The following ACSM2A variants were observed in gnomAD, a reference collection of about 807,000 sequenced individuals.
ACSM2A encodes the protein acyl-CoA synthetase medium chain family member 2A, also known as acyl-coenzyme A synthetase ACSM2A, mitochondrial.
A neutral mutation model predicts 76.6 loss-of-function variants in ACSM2A; 72 were observed. The observed-to-expected ratio is 0.94, with a 90% CI of 0.78 to 1.14. The LOEUF (loss-of-function observed/expected upper bound fraction) is 1.14, where lower values mean the gene tolerates loss of function less well. Ranked by LOEUF, ACSM2A falls within the 50% of genes most tolerant of loss-of-function variation. ACSM2A has a pLI of 0.00. For synonymous variants in ACSM2A, 249 were observed against 255.9 expected (o/e 0.97, Z 0.26); for missense variants, 684 against 708.5 (o/e 0.97, Z 0.39).
At chr16:20,464,440 T>G (rs1248146680) in intron 2 of ACSM2A, among the ~76,000 whole-genome samples, 1 of 152,174 alleles carries the variant, frequency 6.6e-6, no homozygotes, top group Non-Finnish European at 1.5e-5. Flanking sequence ...CATCTGCTTC[T>G]GATGAGGGCC....
intron 6 of ACSM2A, among the ~76,000 whole-genome samples, chr16:20,472,959 T>C (rs1277269943): frequency 6.6e-6 from 1 of 152,206 alleles, no homozygotes; most frequent in Non-Finnish European, 1.5e-5. Flanking sequence ...AATTTTTTCC[T>C]GTAGAACTTG....
intron 6 of ACSM2A, among the ~76,000 whole-genome samples, chr16:20,474,813 C>A (rs2013630036): frequency 6.6e-6 from 1 of 152,212 alleles, no homozygotes; most frequent in Admixed American, 6.5e-5. Flanking sequence ...TGAGATAACA[C>A]AGGACATGGC....
chr16:20,459,881 G>A (rs1356482105), intron 1 of ACSM2A, among the ~76,000 whole-genome samples: 1 of 152,160 alleles, frequency 6.6e-6, no homozygotes, highest in African/African-American at 2.4e-5. Flanking sequence ...CAGAAGTGTT[G>A]AAGATGTGGG....
At chr16:20,480,441 G>T in intron 10 of ACSM2A, 132 bp from the exon 11 acceptor site, 1 of 1,465,456 alleles carries the variant, frequency 6.8e-7, no homozygotes, top group Non-Finnish European at 9.2e-7. Context: ...TTCAGGGCAT[G>T]TCTGCCATGT....
chr16:20,466,237 C>A (rs1289130902), intron 3 of ACSM2A, among the ~76,000 whole-genome samples: 1 of 152,072 alleles, frequency 6.6e-6, no homozygotes, highest in African/African-American at 2.4e-5. Context: ...TGGCCCTTTG[C>A]AGAAAAAGTT....
At chr16:20,462,140 G>C (rs59403771) in intron 2 of ACSM2A, among the ~76,000 whole-genome samples, 2,359 of 152,244 alleles carry the variant, frequency 0.015, 53 homozygotes, top group African/African-American at 0.053. Flanking sequence ...TTTTACAATA[G>C]TGATGTTAAC....
At chr16:20,454,769 A>C (rs111945505) in intron 1 of ACSM2A, among the ~76,000 whole-genome samples, 5,267 of 151,658 alleles carry the variant, frequency 0.035, 96 homozygotes, top group Admixed American at 0.047. Flanking sequence ...ACCTCCCCCC[A>C]AAAATCACAC....
chr16:20,462,058 C>T (rs34964833), intron 2 of ACSM2A, among the ~76,000 whole-genome samples: 70 of 152,266 alleles, frequency 4.6e-4, no homozygotes, highest in Admixed American at 3.5e-3. Flanking sequence ...TGTAGAATCA[C>T]AGGTCTAGGT....
chr16:20,475,093 G>A (rs1349790001), intron 6 of ACSM2A, among the ~76,000 whole-genome samples: 3 of 152,172 alleles, frequency 2.0e-5, no homozygotes, highest in African/African-American at 7.2e-5. Flanking sequence ...TAAACTGGCA[G>A]GAACAGACAT....
chr16:20,453,847 T>A lies in ACSM2A; in HGVS notation c.-9+2166T>A, dbSNP rs574333356. ...TTGAGATAAGGACTGAAATACGCCC[T>A]GGTGTCCTGCAGTACCCTCAGGCTT... On this transcript the variant is annotated intron_variant, in intron 1 of 13. Transcript: ENST00000573854. 3.1e-5 allele frequency: 4 copies of A among 130,260 alleles called. No individual in the cohort carries two copies. In the South Asian group the frequency reaches 1.1e-3, roughly 35 times the overall value. 8.1% of individuals were successfully genotyped at this position (130,260 alleles called of 1,614,324 possible). A position where few individuals can be genotyped will look rare whatever the true frequency, so the allele number is the denominator to read the frequency against.
Position 20,475,743 on chromosome 16 carries a change from C to T in ACSM2A, c.1068C>T (p.Asp356=), listed in dbSNP as rs777625321. ...LENWRAQTGL[D]IRESYGQTET... is the part of the protein sequence containing the mutation. ...ACTGGAGGGCCCAGACAGGACTGGA[C>T]ATCCGAGAATCCTATGGCCAGACAG... Residue 356 remains aspartate, a synonymous_variant, in exon 8 of 14, where the codon GAC becomes GAT. Coordinates refer to ENST00000573854, the MANE Select transcript of ACSM2A (RefSeq NM_001308172.2). 6.8e-6 allele frequency: 11 copies of T among 1,614,048 alleles called. No homozygotes were observed. Among genetic ancestry groups the T allele is most frequent in the East Asian group, 6.7e-5 (3 of 44,880 alleles).
chr16:20,467,387 C>T (rs930559659), intron 3 of ACSM2A, among the ~76,000 whole-genome samples: 4 of 151,114 alleles, frequency 2.6e-5, no homozygotes, highest in Non-Finnish European at 4.4e-5. Context: ...CATTGATGCA[C>T]TGAGTGACAT....
intron 10 of ACSM2A, among the ~76,000 whole-genome samples, chr16:20,478,980 T>C (rs1340409610): frequency 6.6e-6 from 1 of 152,118 alleles, no homozygotes; most frequent in African/African-American, 2.4e-5. Context: ...ACAGCACCAT[T>C]CCCCCAAGGG....
Position 20,478,704 on chromosome 16 carries a change from G to T in ACSM2A, c.1281+27G>T, listed in dbSNP as rs925382338. 8 of 1,597,124 alleles carry T rather than the reference G, an allele frequency of 5.0e-6. No homozygotes were observed. The African/African-American group carries it at 8.0e-5, about 16-fold the overall frequency. On this transcript the variant is annotated intron_variant, in intron 10 of 13. Coordinates refer to ENST00000573854, the MANE Select transcript of ACSM2A (RefSeq NM_001308172.2). ...TGAGAAACTGTGCTCCTCCTCCTCT[G>T]TTCCCCAGTGAGGATGGGAGCACTA... is the stretch of plus-strand genomic sequence containing the variant.
intron 5 of ACSM2A, 123 bp from the exon 6 acceptor site, chr16:20,471,413 C>A (rs1372109554): frequency 1.7e-5 from 26 of 1,495,486 alleles, no homozygotes; most frequent in Middle Eastern, 3.6e-4. Flanking sequence ...GCCTATAAAC[C>A]TGCAGGCAGA....
At chr16:20,472,520 T>C (rs372512986) in intron 6 of ACSM2A, among the ~76,000 whole-genome samples, 4 of 152,246 alleles carry the variant, frequency 2.6e-5, no homozygotes, top group African/African-American at 9.6e-5. Context: ...AGCTTTAATA[T>C]AGGGATTTAG....
In ACSM2A at chr16:20,471,193, C is replaced by T. The variant is rs372753133; in HGVS notation, c.717C>T (p.Gly239=). ...CAGAACATTCCTACTCGAGCCTGGGCCTCAAGGCCAAGATGGATGCTGGGT... is the reference window on the plus strand; with the variant it reads ...CAGAACATTCCTACTCGAGCCTGGGTCTCAAGGCCAAGATGGATGCTGGGT... ...KMAEHSYSSL[G]LKAKMDAGWT... Residue 239 remains glycine (G), a synonymous_variant, in exon 5 of 14, where the codon GGC becomes GGT. Transcript: ENST00000573854. 3.6e-5 allele frequency: 58 copies of T among 1,610,932 alleles called. No homozygotes were observed. Among genetic ancestry groups the T allele is most frequent in the Non-Finnish European group, 4.6e-5 (54 of 1,177,932 alleles).
intron 2 of ACSM2A, among the ~76,000 whole-genome samples, chr16:20,461,586 A>T (rs2012625929): frequency 6.6e-6 from 1 of 152,194 alleles, no homozygotes; most frequent in African/African-American, 2.4e-5. Flanking sequence ...AATAATATAA[A>T]GTGAGCTTGT....
intron 6 of ACSM2A, 83 bp from the exon 7 acceptor site, chr16:20,475,279 G>T: frequency 6.2e-7 from 1 of 1,606,240 alleles, no homozygotes; most frequent in South Asian, 1.1e-5. Flanking sequence ...CAACTCCATA[G>T]CTCACAATTG....
Sources: allele counts gnomAD v4.1 joint callset (sites outside exome capture counted in the v4.1 genomes callset), GRCh38; gene constraint gnomAD v4.1.1; transcripts MANE v1.5; gene names NCBI Gene and HGNC (gene_info 2026-07-23, HGNC 2026-07-21).